Variants in ADD1 observed in about 807,000 individuals in gnomAD.
ADD1 encodes adducin 1.
In ADD1, 24 loss-of-function variants were observed where a neutral mutation model predicts 80.5. The ratio of observed to expected loss-of-function variants is 0.30; its 90% confidence interval spans 0.22 to 0.42. ADD1 has a LOEUF of 0.42. Among genes scored for constraint, ADD1 ranks in the 10% least tolerant of loss-of-function variants. The pLI is 1.00. For missense variants in ADD1, 948 were observed against 1,019.0 expected (o/e 0.93, Z 0.95); for synonymous variants, 373 against 393.8 (o/e 0.95, Z 0.63).
rs12645707 is a variant in ADD1 at position 2,918,083 on chromosome 4, C to G, written c.1948+3043C>G. Among the ~76,000 whole-genome samples the G allele has an allele frequency of 5.8e-4, 88 of 152,228 alleles. 2 individuals are homozygous for G. The East Asian group carries it at 0.014, about 25-fold the overall frequency. The stretch of plus-strand genomic sequence containing the variant: ...AGAAAGTCAGTGGTAGCTTGATGGG[C>G]ATAGCATTGAATCTATAAATTACTT... On this transcript the variant is annotated intron_variant, in intron 14 of 15. Transcript: ENST00000683351.
intron 1 of ADD1, among the ~76,000 whole-genome samples, chr4:2,856,459 A>T (rs1728078241): frequency 1.4e-5 from 2 of 144,424 alleles, no homozygotes; most frequent in Admixed American, 6.9e-5. Context: ...ATCTTTATTT[A>T]TTTTGCTTGG....
At chr4:2,905,893 T>C (rs1310497311) in intron 10 of ADD1, among the ~76,000 whole-genome samples, 2 of 152,216 alleles carry the variant, frequency 1.3e-5, no homozygotes, top group Non-Finnish European at 2.9e-5. Flanking sequence ...TTATTCCTCC[T>C]GTAACCTACC....
intron 13 of ADD1, 36 bp from the exon 14 acceptor site, chr4:2,914,848 G>A (rs780631533): frequency 8.3e-6 from 13 of 1,559,622 alleles, no homozygotes; most frequent in South Asian, 4.8e-5. Flanking sequence ...CCATCGGGCC[G>A]GGCTCCTGCA....
intron 1 of ADD1, chr4:2,844,867 TTGAC>T (rs931013681): frequency 1.3e-5 from 2 of 152,124 alleles, no homozygotes; most frequent in African/African-American, 2.4e-5. Context: ...GTGTGAAAAA[TTGAC>T]TGAGATCTTA....
Position 2,907,622 on chromosome 4 carries a change from G to C in ADD1, c.1507-121G>C. On this transcript the variant is annotated intron_variant, in intron 10 of 15. Transcript: ENST00000683351. ...GTGACCCAGATTAGATGTGGTCATTGGTTCAGTCCTCTCTGTGATGTTCAG... is the reference window on the plus strand; with the variant it reads ...GTGACCCAGATTAGATGTGGTCATTCGTTCAGTCCTCTCTGTGATGTTCAG... The C allele has an allele frequency of 5.9e-6, 5 of 842,660 alleles. No individual in the cohort carries two copies. The South Asian group carries it at 7.4e-5, about 13-fold the overall frequency. 52.2% of individuals were successfully genotyped at this position (842,660 alleles called of 1,614,324 possible).
chr4:2,845,933 G>T (rs1158864484), intron 1 of ADD1, among the ~76,000 whole-genome samples: 1 of 152,096 alleles, frequency 6.6e-6, no homozygotes, highest in Non-Finnish European at 1.5e-5. Flanking sequence ...CACATATGTA[G>T]AGAGAATAGT....
chr4:2,918,123 G>A (rs188286932), intron 14 of ADD1, among the ~76,000 whole-genome samples: 2,955 of 152,210 alleles, frequency 0.019, 61 homozygotes, highest in African/African-American at 0.046. Flanking sequence ...CAGTATGGCC[G>A]TTTTCACAAT....
At chr4:2,884,695 C>A in intron 4 of ADD1, 29 bp downstream of exon 4, 1 of 1,544,842 alleles carries the variant, frequency 6.5e-7, no homozygotes, top group Non-Finnish European at 8.8e-7. Context: ...AGTAACTGAA[C>A]GATAAATGAA....
In ADD1 at chr4:2,914,767, A is replaced by G. The variant is rs1364399862; in HGVS notation, c.1792-117A>G. ...CTCGGGCCCATGGCAGTGCAGTCTCAGGGGTCTCTGCTCCTGGAAAGCCTC... is the reference window on the plus strand; with the variant it reads ...CTCGGGCCCATGGCAGTGCAGTCTCGGGGGTCTCTGCTCCTGGAAAGCCTC... On this transcript the variant is annotated intron_variant, in intron 13 of 15. Transcript: ENST00000683351. The G allele has an allele frequency of 4.1e-6, 5 of 1,220,766 alleles. No individual in the cohort carries two copies. The African/African-American group carries it at 7.6e-5, about 19-fold the overall frequency. The allele number at this position is 1,220,766 out of a possible 1,614,324, so 75.6% of individuals were successfully genotyped here. A position where few individuals can be genotyped will look rare whatever the true frequency, so the allele number is the denominator to read the frequency against.
chr4:2,908,832 A>G, intron 12 of ADD1: 1 of 569,018 alleles, frequency 1.8e-6, no homozygotes, highest in Non-Finnish European at 3.1e-6. Flanking sequence ...TGCCCCTTGT[A>G]ATGCATGCAT....
At chr4:2,905,250 A>G in intron 10 of ADD1, 142 bp downstream of exon 10, 1 of 715,100 alleles carries the variant, frequency 1.4e-6, no homozygotes, top group South Asian at 1.9e-5. Flanking sequence ...GTCTGAACCT[A>G]AGTCCACTGA....
rs548975631 is a variant in ADD1, at chr4:2,906,578, G to A, written c.1507-1165G>A. Among the ~76,000 whole-genome samples the A allele has an allele frequency of 2.0e-4, 30 of 152,258 alleles. No homozygotes were observed. The South Asian group carries it at 5.4e-3, about 27-fold the overall frequency. ...TACATCCAAGGGGAGGCCTTGCTCC[G>A]CATTTATATTTGTTTCTTACTGTTC... On this transcript the variant is annotated intron_variant, in intron 10 of 15. Coordinates refer to ENST00000683351, the MANE Select transcript of ADD1 (RefSeq NM_001354761.2).
At chr4:2,890,385 G>A (rs1298515151) in intron 4 of ADD1, among the ~76,000 whole-genome samples, 1 of 152,100 alleles carries the variant, frequency 6.6e-6, no homozygotes, top group Non-Finnish European at 1.5e-5. Context: ...ACAATGAAAT[G>A]TCATTTTATA....
chr4:2,928,939 C>T lies in ADD1; in HGVS notation c.*416C>T, dbSNP rs966401729. 1 of 191,768 alleles carries T rather than the reference C, an allele frequency of 5.2e-6. No homozygotes were observed. The highest frequency in any genetic ancestry group is 2.4e-5 in the African/African-American group (1 of 41,936). The allele number at this position is 191,768 out of a possible 1,614,324, so 11.9% of individuals were successfully genotyped here. ...CCACCCTAAAGTCTCAGGTGACGGA[C>T]TCAGACTCCTGGCTTCATGTGGCAT... On this transcript the variant is annotated 3_prime_UTR_variant, in exon 16 of 16. Transcript: ENST00000683351.
In ADD1 at chr4:2,926,199, C is replaced by T; in HGVS notation, c.2047+87C>T. On this transcript the variant is annotated intron_variant, in intron 15 of 15. Coordinates refer to ENST00000683351, the MANE Select transcript of ADD1 (RefSeq NM_001354761.2). The surrounding 1 kb of genome is among the most constrained non-coding windows in gnomAD (Gnocchi z 5.0). Reference sequence around the variant, plus strand: ...CGGAATGTGGCGGGAGTCGTGTTAACAGCAACACGGAAGTGTGTGCTTGCA... The same window carrying T: ...CGGAATGTGGCGGGAGTCGTGTTAATAGCAACACGGAAGTGTGTGCTTGCA... 8.6e-7 allele frequency: 1 copy of T among 1,160,306 alleles called. No homozygotes were observed. Among genetic ancestry groups the T allele is most frequent in the Middle Eastern group, 1.9e-4 (1 of 5,160 alleles). The allele number at this position is 1,160,306 out of a possible 1,614,324, so 71.9% of individuals were successfully genotyped here.
At chr4:2,914,757 G>A in intron 13 of ADD1, 127 bp from the exon 14 acceptor site, 1 of 1,090,496 alleles carries the variant, frequency 9.2e-7, no homozygotes, top group Admixed American at 2.4e-5. Flanking sequence ...GCCCATGGCA[G>A]TGCAGTCTCA....
intron 1 of ADD1, among the ~76,000 whole-genome samples, chr4:2,863,219 ATTTTT>A (rs34312305): frequency 0.02 from 2,510 of 123,740 alleles, 64 homozygotes; most frequent in African/African-American, 0.07. Context: ...CTAATTTTTA[ATTTTT>A]TTTTTTTTTT....
intron 13 of ADD1, among the ~76,000 whole-genome samples, chr4:2,912,025 T>G (rs1189041912): frequency 6.6e-6 from 1 of 152,212 alleles, no homozygotes; most frequent in East Asian, 1.9e-4. Context: ...GGAATGCCAG[T>G]CCAGATCCAA....
Position 2,908,574 on chromosome 4 carries a change from T to G in ADD1, c.1668T>G (p.Cys556Trp). The G allele has an allele frequency of 6.2e-7, 1 of 1,614,136 alleles. No individual in the cohort carries two copies. Among genetic ancestry groups the G allele is most frequent in the South Asian group, 1.1e-5 (1 of 91,076 alleles). The change falls in exon 12 of 16, where the codon TGT becomes TGG. Residue 556 changes from cysteine (C) to tryptophan (W), a missense_variant. Transcript: ENST00000683351. ...CTGGCCCTCAGTCCCAGGTTTTGTG[T>G]GGTGTAGTGATGGACAGGAGCCTCG... ...KTAGPQSQVLCGVVMDRSLVQ... is the reference protein window; with the variant it reads ...KTAGPQSQVLWGVVMDRSLVQ...
Sources: gnomAD v4.1 joint callset for allele counts (sites outside exome capture counted in the v4.1 genomes callset) on GRCh38, gnomAD v4.1.1 for gene constraint, Gnocchi (gnomAD v3.1) non-coding constraint, MANE v1.5 for transcripts, NCBI Gene and HGNC (gene_info 2026-07-23, HGNC 2026-07-21) for gene names.